The following NOS2 variants were observed in gnomAD, a reference collection of about 807,000 sequenced individuals.
NOS2 encodes the protein nitric oxide synthase, inducible.
In NOS2, 96 loss-of-function variants were observed where a neutral mutation model predicts 136.0. The ratio of observed to expected loss-of-function variants is 0.71; its 90% CI spans 0.60 to 0.84. The LOEUF (loss-of-function observed/expected upper bound fraction) is 0.84, where lower values mean the gene tolerates loss of function less well. Among genes scored for constraint, NOS2 ranks in the 40% least tolerant of loss-of-function variants. NOS2 has a pLI of 0.00. For synonymous variants in NOS2, 539 were observed against 587.5 expected (o/e 0.92, Z 1.20); for missense variants, 1,237 against 1,496.9 (o/e 0.83, Z 2.87).
At chr17:27,800,120 C>G (rs1424170242) in intron 1 of NOS2, among the ~76,000 whole-genome samples, 1 of 152,160 alleles carries the variant, frequency 6.6e-6, no homozygotes, top group South Asian at 2.1e-4. Flanking sequence ...AAAGTTTTTC[C>G]TTGTCATGTA....
chr17:27,779,119 T>G lies in NOS2; in HGVS notation c.1005-63A>C, dbSNP rs372517907. 5.6e-6 allele frequency: 7 copies of G among 1,243,730 alleles called. No homozygotes were observed. In the African/African-American group the frequency reaches 9.4e-5, roughly 17 times the overall value. The allele number at this position is 1,243,730 out of a possible 1,614,324, so 77.0% of individuals were successfully genotyped here. On this transcript the variant is annotated intron_variant, in intron 9 of 26. Transcript: ENST00000313735. The stretch of plus-strand genomic sequence containing the variant: ...CTTATTTTTATTTTATTATTATTTT[T>G]TTTTTAGTGACTTGGTCTTGCTCTG...
In NOS2 at chr17:27,781,187, A is replaced by T; in HGVS notation, c.723-10T>A. On this transcript the variant is annotated splice_polypyrimidine_tract_variant and intron_variant, in intron 7 of 26. Transcript: ENST00000313735. ...CACGGTGATGGCCGACCTTCCCAGG[A>T]CAGGAACAGTACTGTTTACCACCTA... 6.2e-7 allele frequency: 1 copy of T among 1,602,618 alleles called. No homozygotes were observed. The highest frequency in any genetic ancestry group is 8.5e-7 in the Non-Finnish European group (1 of 1,179,062).
intron 11 of NOS2, among the ~76,000 whole-genome samples, chr17:27,775,285 C>A (rs1342967079): frequency 5.9e-5 from 9 of 151,994 alleles, no homozygotes; most frequent in Non-Finnish European, 1.3e-4. Flanking sequence ...CATGGTGAGA[C>A]CCTGTCTCTA....
chr17:27,789,468 C>T (rs1022164246), intron 3 of NOS2, 136 bp downstream of exon 3: 5 of 695,250 alleles, frequency 7.2e-6, no homozygotes, highest in Non-Finnish European at 1.3e-5. Context: ...CCCCAACACC[C>T]CGGGTCTGGG....
rs533986542 is a variant in NOS2 at position 27,768,671 on chromosome 17, G to A, written c.2034+306C>T. Among the ~76,000 whole-genome samples, 262 of 152,342 alleles carry A rather than the reference G, an allele frequency of 1.7e-3. 2 individuals are homozygous for A. The highest frequency in any genetic ancestry group is 5.6e-3 in the Admixed American group (85 of 15,308). ...CTGTGAGACTGAAACAGACACAGTA[G>A]TTAAGAGGTGACCTAGGTAGTCACT... On this transcript the variant is annotated intron_variant, in intron 17 of 26. Transcript: ENST00000313735.
In NOS2 at chr17:27,791,262, T is replaced by C. The variant is rs552629074; in HGVS notation, c.111-1574A>G. Among the ~76,000 whole-genome samples the C allele has an allele frequency of 1.8e-4, 27 of 152,374 alleles. No individual in the cohort carries two copies. In the South Asian group the frequency reaches 3.7e-3, roughly 21 times the overall value. On this transcript the variant is annotated intron_variant, in intron 2 of 26. Coordinates refer to ENST00000313735, the MANE Select transcript of NOS2 (RefSeq NM_000625.4). Reference sequence around the variant, plus strand: ...ACCAACCATTGCCAACTGGCAAAGATGCTTTGCTTAGCCAAACTTTACTCA... The same window carrying C: ...ACCAACCATTGCCAACTGGCAAAGACGCTTTGCTTAGCCAAACTTTACTCA...
At position 27,789,437 on chromosome 17, in the gene NOS2, T is replaced by C. The variant is rs371387871; in HGVS notation, c.195+167A>G. On this transcript the variant is annotated intron_variant, in intron 3 of 26. Coordinates refer to ENST00000313735, the MANE Select transcript of NOS2 (RefSeq NM_000625.4). ...GGGTTGTCTCACTCTCCCAAAGCCCTTCCTCATTCCCACCTGTTCCCCCCA... is the reference window on the plus strand; with the variant it reads ...GGGTTGTCTCACTCTCCCAAAGCCCCTCCTCATTCCCACCTGTTCCCCCCA... 3.1e-4 allele frequency among the ~76,000 whole-genome samples: 47 copies of C among 152,258 alleles called. No homozygotes were observed. In the East Asian group the frequency reaches 9.1e-3, roughly 29 times the overall value.
In NOS2 at chr17:27,772,303, A is replaced by G. The variant is rs1295714619; in HGVS notation, c.1704+5T>C. On this transcript the variant is annotated splice_donor_5th_base_variant and intron_variant, in intron 14 of 26. Coordinates refer to ENST00000313735, the MANE Select transcript of NOS2 (RefSeq NM_000625.4). ...AAAACAACAGCCATCCCACTGAGCCAGTACCTTGGGGTTGAAGGCACAGCT... is the reference window on the plus strand; with the variant it reads ...AAAACAACAGCCATCCCACTGAGCCGGTACCTTGGGGTTGAAGGCACAGCT... The G allele has an allele frequency of 3.1e-6, 5 of 1,614,048 alleles. No homozygotes were observed. Among genetic ancestry groups the G allele is most frequent in the Admixed American group, 1.7e-5 (1 of 59,998 alleles).
At chr17:27,767,657 T>A in intron 18 of NOS2, 48 bp downstream of exon 18, 1 of 1,601,878 alleles carries the variant, frequency 6.2e-7, no homozygotes, top group Non-Finnish European at 8.5e-7. Context: ...GGCTTAGGGC[T>A]CAGACCCCAA....
chr17:27,791,706 T>C (rs76057204), intron 2 of NOS2, among the ~76,000 whole-genome samples: 24 of 150,878 alleles, frequency 1.6e-4, no homozygotes, highest in Admixed American at 4.0e-4. Context: ...TACTGTTCTT[T>C]AACAAGTATC....
intron 11 of NOS2, among the ~76,000 whole-genome samples, chr17:27,776,937 C>T (rs1195342902): frequency 6.6e-6 from 1 of 152,178 alleles, no homozygotes; most frequent in East Asian, 1.9e-4. Context: ...TGGAGACGCT[C>T]AGGCAGTGGA....
At chr17:27,780,261 G>A (rs1033195094) in intron 9 of NOS2, among the ~76,000 whole-genome samples, 1 of 152,210 alleles carries the variant, frequency 6.6e-6, no homozygotes, top group Non-Finnish European at 1.5e-5. Flanking sequence ...TTCATTCAAC[G>A]GCCAGGAAGA....
chr17:27,771,176 T>C (rs1440982191), intron 14 of NOS2, among the ~76,000 whole-genome samples, 159 bp from the exon 15 acceptor site: 3 of 152,122 alleles, frequency 2.0e-5, no homozygotes, highest in Non-Finnish European at 2.9e-5. Context: ...ACAGAGGACG[T>C]GAATGAACCA....
chr17:27,787,877 C>T, intron 4 of NOS2, 51 bp from the exon 5 acceptor site: 2 of 1,558,892 alleles, frequency 1.3e-6, no homozygotes, highest in Non-Finnish European at 8.7e-7. Flanking sequence ...CCTCTTGCCA[C>T]CCTCCTCTGG....
intron 5 of NOS2, among the ~76,000 whole-genome samples, chr17:27,787,108 C>T (rs1909044759): frequency 6.6e-6 from 1 of 152,208 alleles, no homozygotes; most frequent in South Asian, 2.1e-4. Flanking sequence ...CCTGCCCTCT[C>T]CTAGTCAGGT....
intron 7 of NOS2, 109 bp from the exon 8 acceptor site, chr17:27,781,286 T>C (rs894624402): frequency 7.8e-7 from 1 of 1,286,144 alleles, no homozygotes; most frequent in African/African-American, 1.5e-5. Flanking sequence ...CAGCCCCTGA[T>C]CCCAAGCTGA....
chr17:27,787,192 G>C (rs143741881), intron 5 of NOS2, among the ~76,000 whole-genome samples: 77 of 152,226 alleles, frequency 5.1e-4, no homozygotes, highest in Non-Finnish European at 9.0e-4. Flanking sequence ...GTAGGAGTAG[G>C]GGCCTGACTA....
Position 27,761,239 on chromosome 17 carries a change from G to A in NOS2, c.2801-8C>T. 1 of 1,600,972 alleles carries A rather than the reference G, an allele frequency of 6.2e-7. No homozygotes were observed. The highest frequency in any genetic ancestry group is 8.5e-7 in the Non-Finnish European group (1 of 1,175,048). On this transcript the variant is annotated splice_region_variant and splice_polypyrimidine_tract_variant and intron_variant, in intron 22 of 26. Coordinates refer to ENST00000313735, the MANE Select transcript of NOS2 (RefSeq NM_000625.4). The stretch of plus-strand genomic sequence containing the variant: ...GCAGGGGACCCTGGCCATCTGCAAC[G>A]ATACCACAAAGTGACCAACGTCCCC...
intron 6 of NOS2, 87 bp downstream of exon 6, chr17:27,782,857 G>T: frequency 7.3e-7 from 1 of 1,368,724 alleles, no homozygotes; most frequent in Non-Finnish European, 1.0e-6. Flanking sequence ...AGGAGGCCTG[G>T]GCACAGCTCT....
Sources: allele counts gnomAD v4.1 joint callset (sites outside exome capture counted in the v4.1 genomes callset), GRCh38; gene constraint gnomAD v4.1.1; transcripts MANE v1.5; gene names NCBI Gene and HGNC (gene_info 2026-07-23, HGNC 2026-07-21).